MME: variants seen among roughly 807,000 people sequenced by gnomAD.
MME encodes the protein neprilysin.
A neutral mutation model predicts 113.2 loss-of-function variants in MME; 98 were observed. The ratio of observed to expected loss-of-function variants is 0.87; its 90% CI spans 0.74 to 1.02. The LOEUF (loss-of-function observed/expected upper bound fraction) is 1.02, where lower values mean the gene tolerates loss of function less well. MME is among the 50% of genes least tolerant of loss of function. The pLI, the probability that MME is intolerant of heterozygous loss-of-function variation, is 0.00. For synonymous variants in MME, 292 were observed against 300.6 expected (o/e 0.97, Z 0.30); for missense variants, 836 against 896.0 (o/e 0.93, Z 0.86).
At chr3:155,159,255 T>G (rs747025360) in intron 16 of MME, among the ~76,000 whole-genome samples, 8 of 152,036 alleles carry the variant, frequency 5.3e-5, no homozygotes, top group Non-Finnish European at 1.2e-4. Context: ...TAGAAACAGT[T>G]CTGATGTAAC....
intron 3 of MME, among the ~76,000 whole-genome samples, chr3:155,093,008 A>C (rs1368691714): frequency 1.3e-5 from 2 of 152,026 alleles, no homozygotes; most frequent in African/African-American, 4.8e-5. Context: ...CCAAAAATTA[A>C]TCGGGTGAAT....
chr3:155,084,403 C>A, intron 2 of MME, 76 bp downstream of exon 2: 1 of 1,465,016 alleles, frequency 6.8e-7, no homozygotes, highest in South Asian at 1.1e-5. Flanking sequence ...TACCATCTAT[C>A]CAACGAATGT....
intron 18 of MME, 128 bp from the exon 19 acceptor site, chr3:155,168,364 C>G: frequency 2.3e-6 from 2 of 854,330 alleles, no homozygotes; most frequent in South Asian, 3.0e-5. Context: ...ATGACAGTCT[C>G]TCTCATCGTC....
intron 1 of MME, among the ~76,000 whole-genome samples, chr3:155,044,134 T>C (rs1713458673): frequency 2.1e-5 from 3 of 144,556 alleles, no homozygotes; most frequent in South Asian, 4.5e-4. Context: ...TCTTTTTTTT[T>C]TTTTTTTTTT....
At chr3:155,112,364 C>G (rs749047879) in intron 3 of MME, 1 of 152,088 alleles carries the variant, frequency 6.6e-6, no homozygotes, top group Non-Finnish European at 1.5e-5. Context: ...GTAACATGCT[C>G]AAAGTTACAG....
chr3:155,129,638 T>A (rs1025263018), intron 8 of MME, among the ~76,000 whole-genome samples: 1 of 152,190 alleles, frequency 6.6e-6, no homozygotes, highest in Non-Finnish European at 1.5e-5. Context: ...TCTCAAGATG[T>A]TCTCATCAAG....
chr3:155,080,650 C>T (rs1715055679), intron 1 of MME, among the ~76,000 whole-genome samples, 184 bp downstream of exon 1: 1 of 151,988 alleles, frequency 6.6e-6, no homozygotes, highest in African/African-American at 2.4e-5. Flanking sequence ...CTGGTGTGTC[C>T]TTTTGTAGAT....
rs746294351 is a variant in MME, at chr3:155,147,177, G to C, written c.1450G>C (p.Asp484His). Residue 484 changes from aspartate to histidine, a missense_variant, in exon 15 of 23, where the codon GAT becomes CAT. Coordinates refer to ENST00000360490, the MANE Select transcript of MME (RefSeq NM_007289.4). ...AATTAAAGAAAGGATCGGCTATCCT[G>C]ATGACATTGTTTCAAATGATAACAA... ...LAIKERIGYP[D>H]DIVSNDNKLN... 1.9e-6 allele frequency: 3 copies of C among 1,608,960 alleles called. No individual in the cohort carries two copies. Among genetic ancestry groups the C allele is most frequent in the Non-Finnish European group, 2.6e-6 (3 of 1,175,512 alleles).
chr3:155,110,272 A>G (rs1718081196), intron 3 of MME, among the ~76,000 whole-genome samples: 1 of 152,186 alleles, frequency 6.6e-6, no homozygotes, highest in South Asian at 2.1e-4. Flanking sequence ...TACATGCTTA[A>G]GTGCAAGCCT....
intron 1 of MME, among the ~76,000 whole-genome samples, chr3:155,025,081 G>C (rs1434218821): frequency 6.6e-6 from 1 of 152,174 alleles, no homozygotes; most frequent in Admixed American, 6.5e-5. Flanking sequence ...TAGGGCCCCA[G>C]GGGCAGATAA....
intron 16 of MME, among the ~76,000 whole-genome samples, chr3:155,152,339 T>C (rs202175655): frequency 6.6e-5 from 10 of 152,174 alleles, no homozygotes; most frequent in Admixed American, 5.9e-4. Flanking sequence ...TTCTACACTT[T>C]GCACATTTTG....
intron 8 of MME, among the ~76,000 whole-genome samples, chr3:155,133,062 A>AAATATATATATATATATATATAT (rs1553762419): frequency 2.5e-4 from 19 of 75,058 alleles, no homozygotes; most frequent in South Asian, 3.9e-4. Context: ...AAAAAAAAAA[A>AAATATATATATATATATATATAT]ATATATATAT....
At chr3:155,145,407 G>C (rs571619470) in intron 14 of MME, among the ~76,000 whole-genome samples, 1 of 152,166 alleles carries the variant, frequency 6.6e-6, no homozygotes, top group South Asian at 2.1e-4. Flanking sequence ...CCTAGGCTGG[G>C]TTACATGCTC....
chr3:155,157,257 C>T (rs1005148986), intron 16 of MME, among the ~76,000 whole-genome samples: 2 of 152,090 alleles, frequency 1.3e-5, no homozygotes, highest in Non-Finnish European at 2.9e-5. Flanking sequence ...TCACTTTATA[C>T]CACATACATG....
intron 10 of MME, among the ~76,000 whole-genome samples, chr3:155,141,141 A>T (rs1054490817): frequency 1.6e-4 from 25 of 152,236 alleles, no homozygotes; most frequent in Non-Finnish European, 3.2e-4. Context: ...TTCAGCGATG[A>T]CATTCTCTTT....
At chr3:155,128,578 C>A (rs144505100) in intron 8 of MME, among the ~76,000 whole-genome samples, 1 of 151,686 alleles carries the variant, frequency 6.6e-6, no homozygotes, top group African/African-American at 2.4e-5. Context: ...ATGCTTTTCC[C>A]TTTGCCTAGA....
intron 3 of MME, among the ~76,000 whole-genome samples, chr3:155,087,590 C>T (rs181332157): frequency 1.3e-4 from 20 of 152,226 alleles, no homozygotes; most frequent in Admixed American, 5.2e-4. Flanking sequence ...TGTCCTGTTT[C>T]GGGAAACTTC....
intron 22 of MME, among the ~76,000 whole-genome samples, chr3:155,175,047 C>A (rs1357448159): frequency 6.6e-6 from 1 of 151,818 alleles, no homozygotes; most frequent in Non-Finnish European, 1.5e-5. Flanking sequence ...TTTATCTTAA[C>A]CACTGGATTA....
rs201829141 is a variant in MME, at chr3:155,114,990, G to C, written c.197-4G>C. On this transcript the variant is annotated splice_polypyrimidine_tract_variant and splice_region_variant and intron_variant, in intron 3 of 22. Coordinates refer to ENST00000360490, the MANE Select transcript of MME (RefSeq NM_007289.4). ...TTTATCTAGTGTTTTCTCTGCTCTTGCAGCTGCTCGACTGATCCAAAACAT... is the reference window on the plus strand; with the variant it reads ...TTTATCTAGTGTTTTCTCTGCTCTTCCAGCTGCTCGACTGATCCAAAACAT... 1,170 of 1,613,852 alleles carry C rather than the reference G, an allele frequency of 7.2e-4. 9 individuals carry two copies. In the South Asian group the frequency reaches 7.5e-3, roughly 10 times the overall value.
Sources: gnomAD v4.1 joint callset for allele counts (sites outside exome capture counted in the v4.1 genomes callset) on GRCh38, gnomAD v4.1.1 for gene constraint, MANE v1.5 for transcripts, NCBI Gene and HGNC (gene_info 2026-07-23, HGNC 2026-07-21) for gene names.